ENOX1: variants seen among roughly 807,000 people sequenced by gnomAD.
ENOX1 encodes candidate growth-related and time keeping constitutive hydroquinone (NADH) oxidase.
Under a neutral mutation model 82.5 loss-of-function variants are expected in ENOX1, and 42 were observed. The ratio of observed to expected loss-of-function variants is 0.51; its 90% confidence interval spans 0.40 to 0.66. The LOEUF (loss-of-function observed/expected upper bound fraction) is 0.66. ENOX1 is among the 30% of genes least tolerant of loss of function. The pLI is 0.00. For synonymous variants in ENOX1, 271 were observed against 282.2 expected (o/e 0.96, Z 0.40); for missense variants, 608 against 811.6 (o/e 0.75, Z 3.05).
intron 1 of ENOX1, among the ~76,000 whole-genome samples, chr13:43,732,005 G>A (rs1397819587): frequency 6.6e-6 from 1 of 152,176 alleles, no homozygotes; most frequent in Non-Finnish European, 1.5e-5. Flanking sequence ...AAGGAAAGGG[G>A]AAAGAAAATT....
At chr13:43,716,474 A>G (rs893868908) in intron 1 of ENOX1, among the ~76,000 whole-genome samples, 2 of 152,278 alleles carry the variant, frequency 1.3e-5, no homozygotes, top group Admixed American at 6.5e-5. Flanking sequence ...CGCTCCGCCA[A>G]GCAGAAATAT....
intron 3 of ENOX1, among the ~76,000 whole-genome samples, chr13:43,451,844 A>G (rs937670214): frequency 7.2e-5 from 11 of 152,248 alleles, no homozygotes; most frequent in African/African-American, 2.7e-4. Flanking sequence ...TAAAACAGAC[A>G]AAATCCCTTA....
intron 5 of ENOX1, among the ~76,000 whole-genome samples, chr13:43,401,132 C>G (rs1434242926): frequency 2.0e-5 from 3 of 152,118 alleles, no homozygotes; most frequent in South Asian, 4.1e-4. Context: ...TATTATTATT[C>G]TTTTTAGTGT....
intron 2 of ENOX1, chr13:43,548,015 T>C (rs867590008): frequency 4.6e-5 from 7 of 152,268 alleles, no homozygotes; most frequent in Middle Eastern, 3.4e-3. Flanking sequence ...GCAAACACAA[T>C]AAACCTTTCA....
chr13:43,403,078 G>A (rs943316354), intron 5 of ENOX1, among the ~76,000 whole-genome samples: 1 of 152,020 alleles, frequency 6.6e-6, no homozygotes, highest in Non-Finnish European at 1.5e-5. Flanking sequence ...ATGTCAATAT[G>A]CATGCAATTA....
intron 1 of ENOX1, among the ~76,000 whole-genome samples, chr13:43,676,329 A>G (rs571653327): frequency 6.7e-4 from 102 of 152,330 alleles, no homozygotes; most frequent in African/African-American, 2.3e-3. Context: ...AAGTCAGATC[A>G]TATTTAAAGA....
At chr13:43,409,719 G>T (rs1200461090) in intron 5 of ENOX1, among the ~76,000 whole-genome samples, 1 of 152,088 alleles carries the variant, frequency 6.6e-6, no homozygotes, top group Admixed American at 6.5e-5. Context: ...TAATATAAAA[G>T]AATACAATGG....
intron 1 of ENOX1, among the ~76,000 whole-genome samples, chr13:43,771,914 C>T (rs1420799914): frequency 1.3e-5 from 2 of 148,752 alleles, no homozygotes; most frequent in African/African-American, 2.5e-5. Context: ...ACAGGCGCGT[C>T]TGCCACCACG....
chr13:43,488,553 T>C (rs927349955), intron 2 of ENOX1, among the ~76,000 whole-genome samples: 1 of 152,146 alleles, frequency 6.6e-6, no homozygotes, highest in Non-Finnish European at 1.5e-5. Context: ...CTGTAATAAA[T>C]ACCTAAAAAT....
intron 5 of ENOX1, among the ~76,000 whole-genome samples, chr13:43,384,864 G>T (rs549715559): frequency 2.0e-5 from 3 of 152,196 alleles, no homozygotes; most frequent in Non-Finnish European, 2.9e-5. Flanking sequence ...TCTCTCAGTG[G>T]CAGGATAATA....
intron 1 of ENOX1, among the ~76,000 whole-genome samples, chr13:43,720,437 T>C (rs929447589): frequency 2.6e-5 from 4 of 152,232 alleles, no homozygotes; most frequent in African/African-American, 9.6e-5. Context: ...TTGCCCACTC[T>C]TCCCAGGTGC....
At chr13:43,418,854 T>C (rs549104756) in intron 3 of ENOX1, among the ~76,000 whole-genome samples, 43 of 152,332 alleles carry the variant, frequency 2.8e-4, no homozygotes, top group Non-Finnish European at 4.4e-5. Context: ...CAGTATTTCA[T>C]TGGGCTAGAT....
intron 13 of ENOX1, among the ~76,000 whole-genome samples, chr13:43,267,370 A>T (rs1407142497): frequency 6.6e-6 from 1 of 152,186 alleles, no homozygotes; most frequent in East Asian, 1.9e-4. Flanking sequence ...CGCAAATGGG[A>T]AGACTGAGAG....
At chr13:43,494,520 C>T (rs954169958) in intron 2 of ENOX1, among the ~76,000 whole-genome samples, 7 of 152,100 alleles carry the variant, frequency 4.6e-5, no homozygotes, top group South Asian at 2.1e-4. Context: ...TTATTGTTTA[C>T]GATTTATTTG....
At chr13:43,609,351 T>G (rs1227870869) in intron 2 of ENOX1, among the ~76,000 whole-genome samples, 3 of 152,260 alleles carry the variant, frequency 2.0e-5, no homozygotes, top group Non-Finnish European at 4.4e-5. Flanking sequence ...TTTATTTTCA[T>G]AAATTTTCTC....
intron 12 of ENOX1, among the ~76,000 whole-genome samples, chr13:43,283,558 A>G: frequency 6.6e-6 from 1 of 151,882 alleles, no homozygotes; most frequent in Non-Finnish European, 1.5e-5. Context: ...GAATTATCCC[A>G]CCTCAGCTTC....
At chr13:43,613,150 AATAC>A (rs1297760589) in intron 2 of ENOX1, among the ~76,000 whole-genome samples, 2 of 152,184 alleles carry the variant, frequency 1.3e-5, no homozygotes, top group East Asian at 1.9e-4. Flanking sequence ...GAGTTAACAG[AATAC>A]ATACATACCT....
At chr13:43,418,594 T>C (rs1594478205) in intron 3 of ENOX1, among the ~76,000 whole-genome samples, 3 of 152,346 alleles carry the variant, frequency 2.0e-5, no homozygotes, top group Non-Finnish European at 4.4e-5. Context: ...ATTTTCTCTC[T>C]AGGTTTTTTC....
chr13:43,540,259 C>T (rs549734637), intron 2 of ENOX1, among the ~76,000 whole-genome samples: 13 of 152,234 alleles, frequency 8.5e-5, no homozygotes, highest in African/African-American at 3.1e-4. Context: ...TTCCCTAACA[C>T]TATTCAGCAT....
Sources: gnomAD v4.1 joint callset for allele counts (sites outside exome capture counted in the v4.1 genomes callset) on GRCh38, gnomAD v4.1.1 for gene constraint, MANE v1.5 for transcripts, NCBI Gene and HGNC (gene_info 2026-07-23, HGNC 2026-07-21) for gene names.